IDO2: variants seen among roughly 807,000 people sequenced by gnomAD.
IDO2 encodes indoleamine 2,3-dioxygenase-like 1 protein.
IDO2 carries 46 observed loss-of-function variants against 45.1 expected under a neutral mutation model. The observed-to-expected ratio is 1.02, with a 90% CI of 0.80 to 1.30. IDO2 has a LOEUF of 1.30. Among genes scored for constraint, IDO2 ranks in the 50% most tolerant of loss-of-function variants. The pLI, the probability that IDO2 is intolerant of heterozygous loss-of-function variation, is 0.00. For synonymous variants in IDO2, 218 were observed against 184.9 expected, an observed-to-expected ratio of 1.18 and a Z score of -1.45; for missense variants, 544 against 491.8, an observed-to-expected ratio of 1.11 and a Z score of -1.00.
exon 8 of IDO2, chr8:39,989,836 A>G: frequency 1.3e-6 from 2 of 1,579,772 alleles, no homozygotes; most frequent in Non-Finnish European, 1.7e-6. Context: ...GGACAGATGC[A>G]TGGTAAGATG....
At chr8:40,012,171 T>A (rs1381053437) in intron 9 of IDO2, among the ~76,000 whole-genome samples, 1 of 152,142 alleles carries the variant, frequency 6.6e-6, no homozygotes, top group Admixed American at 6.6e-5. Context: ...TGTGTGTATG[T>A]CCCTTCTCTT....
intron 2 of IDO2, among the ~76,000 whole-genome samples, chr8:39,955,925 C>T (rs966512535): frequency 6.6e-5 from 10 of 152,104 alleles, no homozygotes; most frequent in African/African-American, 1.4e-4. Context: ...TATTGTTGAA[C>T]TCAATTTTGT....
intron 9 of IDO2, among the ~76,000 whole-genome samples, chr8:40,011,924 C>G (rs901646778): frequency 3.9e-5 from 6 of 152,148 alleles, no homozygotes; most frequent in African/African-American, 1.4e-4. Context: ...TTTCCTCTTC[C>G]CACCATTCCC....
intron 2 of IDO2, among the ~76,000 whole-genome samples, chr8:39,958,684 C>A (rs1380901316): frequency 2.0e-5 from 3 of 152,196 alleles, no homozygotes; most frequent in Admixed American, 2.0e-4. Flanking sequence ...CCTCTGACCT[C>A]AAGTGATCTG....
intron 8 of IDO2, chr8:39,995,186 CTT>C (rs1563438166): frequency 0.014 from 1,214 of 86,282 alleles, 22 homozygotes; most frequent in Non-Finnish European, 0.02. Flanking sequence ...CTTCCTTCTT[CTT>C]CTTCTTCTTC....
intron 1 of IDO2, among the ~76,000 whole-genome samples, chr8:39,946,105 C>T (rs751667736): frequency 4.6e-5 from 7 of 152,176 alleles, no homozygotes; most frequent in African/African-American, 1.7e-4. Flanking sequence ...CTAAACTGCT[C>T]CTAAGATCAG....
intron 1 of IDO2, among the ~76,000 whole-genome samples, chr8:39,944,346 A>G (rs185921901): frequency 6.6e-6 from 1 of 152,224 alleles, no homozygotes; most frequent in East Asian, 1.9e-4. Flanking sequence ...GACTACCACA[A>G]TGTGAGTCTC....
At chr8:40,011,554 C>T (rs2129595563) in intron 9 of IDO2, among the ~76,000 whole-genome samples, 1 of 152,214 alleles carries the variant, frequency 6.6e-6, no homozygotes, top group South Asian at 2.1e-4. Context: ...CTGTAGGAAG[C>T]AAATACAAAT....
At chr8:39,987,681 C>T (rs1808445097) in intron 6 of IDO2, 190 bp from the exon 7 acceptor site, 1 of 533,610 alleles carries the variant, frequency 1.9e-6, no homozygotes. Context: ...TGAAATTGAA[C>T]TTATCTGTTC....
intron 2 of IDO2, among the ~76,000 whole-genome samples, chr8:39,950,702 C>T (rs1028998027): frequency 6.6e-6 from 1 of 152,182 alleles, no homozygotes; most frequent in Non-Finnish European, 1.5e-5. Context: ...AATAGGACCT[C>T]ACATTTTACA....
intron 3 of IDO2, among the ~76,000 whole-genome samples, chr8:39,976,245 G>A (rs1246479207): frequency 6.6e-6 from 1 of 152,146 alleles, no homozygotes; most frequent in Admixed American, 6.6e-5. Context: ...CCAAAATGCT[G>A]AGATTACAGG....
Position 39,995,917 on chromosome 8 carries a change from C to T in IDO2, c.667+6079C>T, listed in dbSNP as rs994478087. On this transcript the variant is annotated intron_variant, in intron 8 of 10. Transcript: ENST00000502986. ...GGAAGATGCCTGTCACCTAACGGAC[C>T]GTGGTCTAGCGGTAGCGTCAGTGCC... Among the ~76,000 whole-genome samples, 7 of 152,200 alleles carry T rather than the reference C, an allele frequency of 4.6e-5. No individual in the cohort carries two copies. In the South Asian group the frequency reaches 1.0e-3, roughly 22 times the overall value.
At chr8:39,999,137 G>T (rs952315311) in intron 8 of IDO2, among the ~76,000 whole-genome samples, 7 of 152,058 alleles carry the variant, frequency 4.6e-5, no homozygotes, top group African/African-American at 1.4e-4. Flanking sequence ...CGGTACAAAA[G>T]CTTCTGGTTT....
At chr8:39,968,758 C>T (rs1275917567) in intron 3 of IDO2, among the ~76,000 whole-genome samples, 1 of 151,876 alleles carries the variant, frequency 6.6e-6, no homozygotes, top group African/African-American at 2.4e-5. Flanking sequence ...ATACCTAAAG[C>T]ATGAGGGGCT....
chr8:40,015,135 A>G (rs1302620443), intron 10 of IDO2, 112 bp from the exon 11 acceptor site: 3 of 666,896 alleles, frequency 4.5e-6, no homozygotes, highest in Non-Finnish European at 7.5e-6. Context: ...AGCCTGGGCA[A>G]CAGAGCAAGA....
chr8:39,989,525 A>AG (rs1390636321), intron 7 of IDO2, among the ~76,000 whole-genome samples, 196 bp from the exon 8 acceptor site: 2 of 152,244 alleles, frequency 1.3e-5, no homozygotes, highest in South Asian at 2.1e-4. Context: ...ACACTTACCT[A>AG]GGGGTCTGTC....
intron 3 of IDO2, among the ~76,000 whole-genome samples, chr8:39,972,235 G>A (rs921919864): frequency 6.6e-6 from 1 of 152,124 alleles, no homozygotes; most frequent in Non-Finnish European, 1.5e-5. Context: ...GAACATTGTT[G>A]AAATGATAAA....
At chr8:40,008,867 A>G (rs1802262209) in intron 9 of IDO2, among the ~76,000 whole-genome samples, 1 of 152,260 alleles carries the variant, frequency 6.6e-6, no homozygotes, top group Non-Finnish European at 1.5e-5. Flanking sequence ...CTAAGTGGCC[A>G]GTACCGAATC....
intron 3 of IDO2, among the ~76,000 whole-genome samples, chr8:39,970,058 C>A (rs1808156507): frequency 6.6e-6 from 1 of 152,126 alleles, no homozygotes; most frequent in African/African-American, 2.4e-5. Flanking sequence ...GATAAGAAAG[C>A]AAAAGAGCCT....
Sources: gnomAD v4.1 joint callset for allele counts (sites outside exome capture counted in the v4.1 genomes callset) on GRCh38, gnomAD v4.1.1 for gene constraint, MANE v1.5 for transcripts, NCBI Gene and HGNC (gene_info 2026-07-23, HGNC 2026-07-21) for gene names.